AMHR2: variants seen among roughly 807,000 people sequenced by gnomAD.
AMHR2 encodes anti-Muellerian hormone type-2 receptor.
AMHR2 carries 36 observed loss-of-function variants against 61.4 expected under a neutral mutation model. The observed-to-expected ratio is 0.59, with a 90% CI of 0.45 to 0.77. The LOEUF (loss-of-function observed/expected upper bound fraction) is 0.77. Among genes scored for constraint, AMHR2 ranks in the 30% least tolerant of loss-of-function variants. The pLI is 0.00. For missense variants in AMHR2, 638 were observed against 714.6 expected (o/e 0.89, Z 1.22); for synonymous variants, 258 against 279.4 (o/e 0.92, Z 0.76).
chr12:53,424,354 TG>T lies in AMHR2; in HGVS notation c.119del (p.Gly40GlufsTer4). ...GGAGTGCGGGGAAGCACAAAGACAC[TG>T]GGAGAGCTGCTAGATACAGGCACAG... The part of the protein sequence containing the change: ...APGVRGSTKT[L>X]GELLDTGTEL... On this transcript the variant is annotated frameshift_variant, in exon 2 of 11. Transcript: ENST00000257863. LOFTEE classifies it high-confidence loss of function. The T allele has an allele frequency of 6.2e-7, 1 of 1,613,388 alleles. No homozygotes were observed. The highest frequency in any genetic ancestry group is 1.1e-5 in the South Asian group (1 of 91,034).
At chr12:53,424,093 A>G in intron 1 of AMHR2, 110 bp downstream of exon 1, 9 of 1,403,494 alleles carry the variant, frequency 6.4e-6, no homozygotes, top group Non-Finnish European at 9.0e-6. Flanking sequence ...CTGGGTGAGT[A>G]AGGGTGAAGG....
intron 1 of AMHR2, 65 bp from the exon 2 acceptor site, chr12:53,424,223 C>G: frequency 6.3e-7 from 1 of 1,595,748 alleles, no homozygotes; most frequent in Non-Finnish European, 8.6e-7. Context: ...ATTCTTTTGG[C>G]CAGTTTTTTG....
Position 53,429,558 on chromosome 12 carries a change from T to C in AMHR2, c.1073T>C (p.Leu358Pro). The change falls in exon 8 of 11, where the codon CTC becomes CCC. Residue 358 changes from leucine to proline, a missense_variant. Transcript: ENST00000257863. ...GGAGACCTGGGCCTTGCCTTGGTGC[T>C]CCCTGGCCTCACTCAGCCCCCTGCC... ...AIGDLGLALV[L>P]PGLTQPPAWT... The C allele has an allele frequency of 1.2e-6, 2 of 1,613,658 alleles. No individual in the cohort carries two copies. The highest frequency in any genetic ancestry group is 1.7e-6 in the Non-Finnish European group (2 of 1,179,994).
rs1315098992 is a variant in AMHR2 at position 53,428,997 on chromosome 12, G to A, written c.954G>A (p.Glu318=). 2 of 1,551,272 alleles carry A rather than the reference G, an allele frequency of 1.3e-6. No homozygotes were observed. Among genetic ancestry groups the A allele is most frequent in the South Asian group, 1.2e-5 (1 of 84,062 alleles). The part of the protein sequence containing the change: ...LAQGLAFLHE[E]RWQNGQYKPG... ...AGGGCCTGGCATTTCTCCATGAGGAGCGCTGGCAGAATGGTGGGTGAGCTG... is the reference window on the plus strand; with the variant it reads ...AGGGCCTGGCATTTCTCCATGAGGAACGCTGGCAGAATGGTGGGTGAGCTG... The change falls in exon 7 of 11, where the codon GAG becomes GAA. Residue 318 remains glutamate, a synonymous_variant. Coordinates refer to ENST00000257863, the MANE Select transcript of AMHR2 (RefSeq NM_020547.3).
At chr12:53,426,982 CA>C (rs929522833) in intron 6 of AMHR2, among the ~76,000 whole-genome samples, 3,430 of 71,786 alleles carry the variant, frequency 0.048, 36 homozygotes, top group African/African-American at 0.081. Flanking sequence ...CGTGCCCAGC[CA>C]AAAAAAAAAA....
At chr12:53,430,018 C>T (rs1167661027) in intron 9 of AMHR2, 40 bp downstream of exon 9, 1 of 1,614,206 alleles carries the variant, frequency 6.2e-7, no homozygotes, top group Non-Finnish European at 8.5e-7. Flanking sequence ...TGGGCTCCCC[C>T]CCGCCCATTC....
In AMHR2 at chr12:53,428,951, G is replaced by A. The variant is rs986686481; in HGVS notation, c.908G>A (p.Arg303Gln). The change falls in exon 7 of 11, where the codon CGG becomes CAG. Residue 303 changes from arginine (R) to glutamine (Q), a missense_variant. Coordinates refer to ENST00000257863, the MANE Select transcript of AMHR2 (RefSeq NM_020547.3). ...QYTSDWGSSL[R>Q]MALSLAQGLA... is the part of the protein sequence containing the mutation. ...ACCAGTGACTGGGGAAGTTCCCTGC[G>A]GATGGCACTGTCCCTGGCCCAGGGC... 6.4e-6 allele frequency: 10 copies of A among 1,551,510 alleles called. No homozygotes were observed. Among genetic ancestry groups the A allele is most frequent in the Admixed American group, 2.0e-5 (1 of 50,986 alleles).
intron 8 of AMHR2, 82 bp downstream of exon 8, chr12:53,429,707 G>C: frequency 6.3e-7 from 1 of 1,599,320 alleles, no homozygotes; most frequent in Non-Finnish European, 8.5e-7. Flanking sequence ...GTCAACAGTT[G>C]TAGCAATACC....
chr12:53,425,684 A>G lies in AMHR2; in HGVS notation c.622-5A>G, dbSNP rs1360963650. ...GGCCCACACTCAGCACAGTGTCCCC[A>G]GCAGGTAATCCGGGAAGGAGGTCAT... On this transcript the variant is annotated splice_region_variant and splice_polypyrimidine_tract_variant and intron_variant, in intron 5 of 10. Coordinates refer to ENST00000257863, the MANE Select transcript of AMHR2 (RefSeq NM_020547.3). 1 of 1,614,072 alleles carries G rather than the reference A, an allele frequency of 6.2e-7. No homozygotes were observed. Among genetic ancestry groups the G allele is most frequent in the Non-Finnish European group, 8.5e-7 (1 of 1,179,992 alleles).
At chr12:53,430,722 C>T in intron 10 of AMHR2, 1 of 347,206 alleles carries the variant, frequency 2.9e-6, no homozygotes, top group Non-Finnish European at 5.5e-6. Context: ...CAATAAAAGG[C>T]AGTTCTAGGT....
rs541609142 is a variant in AMHR2 at position 53,430,465 on chromosome 12, T to C, written c.1425+183T>C. On this transcript the variant is annotated intron_variant, in intron 10 of 10. Transcript: ENST00000257863. ...CCCGTCAGTTCATCCTCTTCCACCC[T>C]AAGTCTCACACAGTCGATTCCATCT... The C allele has an allele frequency of 6.8e-6, 6 of 884,514 alleles. No homozygotes were observed. In the African/African-American group the frequency reaches 9.9e-5, roughly 15 times the overall value. 54.8% of individuals were successfully genotyped at this position (884,514 alleles called of 1,614,324 possible).
At chr12:53,425,967 T>C in intron 6 of AMHR2, 48 bp downstream of exon 6, 6 of 1,560,838 alleles carry the variant, frequency 3.8e-6, no homozygotes, top group Non-Finnish European at 4.4e-6. Flanking sequence ...TGTGTGTATG[T>C]ATAGAGGTGG....
chr12:53,425,808 C>T lies in AMHR2; in HGVS notation c.741C>T (p.Tyr247=), dbSNP rs55982347. Residue 247 remains tyrosine (Y), a synonymous_variant, in exon 6 of 11, where the codon TAC becomes TAT. Coordinates refer to ENST00000257863, the MANE Select transcript of AMHR2 (RefSeq NM_020547.3). ...VAQFQAERAL[Y]ELPGLQHDHI... Reference sequence around the variant, plus strand: ...AGTTCCAAGCTGAGAGAGCATTGTACGAACTTCCAGGCCTACAGCACGACC... The same window carrying T: ...AGTTCCAAGCTGAGAGAGCATTGTATGAACTTCCAGGCCTACAGCACGACC... The T allele has an allele frequency of 5.1e-5, 83 of 1,614,038 alleles. No homozygotes were observed. The highest frequency in any genetic ancestry group is 6.1e-5 in the Non-Finnish European group (72 of 1,180,032).
intron 6 of AMHR2, among the ~76,000 whole-genome samples, chr12:53,427,844 G>A (rs182575098): frequency 2.6e-5 from 4 of 152,286 alleles, no homozygotes; most frequent in Non-Finnish European, 1.5e-5. Context: ...CCTCATCATC[G>A]TGTCTATTGC....
rs764857230 is a variant in AMHR2, at chr12:53,424,913, G to C, written c.424+13G>C. 7 of 1,607,874 alleles carry C rather than the reference G, an allele frequency of 4.4e-6. No individual in the cohort carries two copies. The highest frequency in any genetic ancestry group is 5.9e-6 in the Non-Finnish European group (7 of 1,179,460). ...CAGGCTGCCCCAGGTAGCCACCCAA[G>C]GGTACTGAAGCCTGATGGGGGCTGG... On this transcript the variant is annotated intron_variant, in intron 3 of 10. Coordinates refer to ENST00000257863, the MANE Select transcript of AMHR2 (RefSeq NM_020547.3).
chr12:53,429,918 A>G lies in AMHR2; in HGVS notation c.1228A>G (p.Ile410Val). 1 of 1,614,042 alleles carries G rather than the reference A, an allele frequency of 6.2e-7. No individual in the cohort carries two copies. The highest frequency in any genetic ancestry group is 8.5e-7 in the Non-Finnish European group (1 of 1,179,998). The change falls in exon 9 of 11, where the codon ATT becomes GTT. Residue 410 changes from isoleucine (I) to valine (V), a missense_variant. By Grantham distance (29) the Ile-to-Val change is conservative. Transcript: ENST00000257863. ...DWGMALRRADIYSLALLLWEI... is the reference protein window; with the variant it reads ...DWGMALRRADVYSLALLLWEI... ...GGGCATGGCCCTCCGACGAGCTGAT[A>G]TTTACTCTTTGGCTCTGCTCCTGTG...
Position 53,431,342 on chromosome 12 carries a change from G to C in AMHR2, c.1591G>C (p.Glu531Gln), listed in dbSNP as rs745474429. The change falls in exon 11 of 11, where the codon GAA becomes CAA. Residue 531 changes from glutamate to glutamine, a missense_variant. Physicochemically the swap from Glu to Gln is conservative, Grantham distance 29. Transcript: ENST00000257863. ...CPRGCPPLCPEDCTSIPAPTI... is the reference protein window; with the variant it reads ...CPRGCPPLCPQDCTSIPAPTI... ...ACGTGGCTGCCCACCTCTCTGCCCA[G>C]AAGACTGTACTTCAATTCCTGCCCC... is the stretch of plus-strand genomic sequence containing the variant. 1.6e-5 allele frequency: 26 copies of C among 1,614,094 alleles called. No homozygotes were observed. In the African/African-American group the frequency reaches 3.5e-4, roughly 22 times the overall value.
chr12:53,428,547 C>G (rs1447788896), intron 6 of AMHR2, among the ~76,000 whole-genome samples: 2 of 152,188 alleles, frequency 1.3e-5, no homozygotes, highest in African/African-American at 4.8e-5. Flanking sequence ...GCCTCACCGA[C>G]TGACTTCAAG....
At chr12:53,425,944 G>A in intron 6 of AMHR2, 25 bp downstream of exon 6, 2 of 1,600,520 alleles carry the variant, frequency 1.2e-6, no homozygotes, top group South Asian at 1.1e-5. Context: ...GTGTATATGT[G>A]TGTGTGTGTG....
Sources: allele counts gnomAD v4.1 joint callset (sites outside exome capture counted in the v4.1 genomes callset), GRCh38; gene constraint gnomAD v4.1.1; transcripts MANE v1.5; gene names NCBI Gene and HGNC (gene_info 2026-07-23, HGNC 2026-07-21).